The following COLEC12 variants were observed in gnomAD, a reference collection of about 807,000 sequenced individuals.
COLEC12 encodes the protein collectin-12.
Under a neutral mutation model 71.1 loss-of-function variants are expected in COLEC12, and 33 were observed. The observed-to-expected ratio is 0.46, with a 90% CI of 0.35 to 0.62. The LOEUF (loss-of-function observed/expected upper bound fraction) is 0.62. Ranked by LOEUF, COLEC12 falls within the 20% of genes least tolerant of loss-of-function variation. The pLI is 0.00. For missense variants in COLEC12, 765 were observed against 916.1 expected (o/e 0.84, Z 2.13); for synonymous variants, 350 against 353.0 (o/e 0.99, Z 0.10).
intron 2 of COLEC12, among the ~76,000 whole-genome samples, chr18:390,964 A>T (rs1915451172): frequency 6.6e-6 from 1 of 152,204 alleles, no homozygotes; most frequent in Non-Finnish European, 1.5e-5. Flanking sequence ...TCTGTCAGGA[A>T]GTAACCAGGC....
chr18:347,292 G>A lies in COLEC12; in HGVS notation c.330C>T (p.Thr110=). ...GGAGATCTAGAATGTCTGATCTGAA[G>A]GTGGAGAGTTCTGAGTTGGTGCTGA... ...KAISTNSELS[T]FRSDILDLRQ... The change falls in exon 5 of 10, where the codon ACC becomes ACT. Residue 110 remains threonine, a synonymous_variant. Coordinates refer to ENST00000400256, the MANE Select transcript of COLEC12 (RefSeq NM_130386.3). 1 of 1,614,140 alleles carries A rather than the reference G, an allele frequency of 6.2e-7. No individual in the cohort carries two copies. Among genetic ancestry groups the A allele is most frequent in the Non-Finnish European group, 8.5e-7 (1 of 1,180,018 alleles).
intron 3 of COLEC12, among the ~76,000 whole-genome samples, chr18:355,656 T>C (rs1026485571): frequency 1.3e-5 from 2 of 152,336 alleles, no homozygotes; most frequent in Admixed American, 6.5e-5. Context: ...GTAAATGTGA[T>C]TACACAGTAC....
chr18:445,963 G>A (rs12968300), intron 2 of COLEC12, among the ~76,000 whole-genome samples: 34,126 of 152,000 alleles, frequency 0.22, 4,060 homozygotes, highest in East Asian at 0.38. Flanking sequence ...AGATTTGCCT[G>A]TTCTGAACAC....
intron 2 of COLEC12, among the ~76,000 whole-genome samples, chr18:369,803 G>A (rs567698680): frequency 5.9e-5 from 9 of 152,176 alleles, no homozygotes; most frequent in East Asian, 3.9e-4. Context: ...CACCCTGAAC[G>A]TGCACTTCCT....
At chr18:461,792 C>CCA (rs1205024344) in intron 2 of COLEC12, among the ~76,000 whole-genome samples, 3 of 152,102 alleles carry the variant, frequency 2.0e-5, no homozygotes, top group Non-Finnish European at 4.4e-5. Context: ...TACTCAGTAG[C>CCA]CACATGCAGC....
At chr18:337,051 GT>G (rs1007789319) in intron 5 of COLEC12, among the ~76,000 whole-genome samples, 1 of 149,754 alleles carries the variant, frequency 6.7e-6, no homozygotes, top group African/African-American at 2.5e-5. Flanking sequence ...TAATGTTTTT[GT>G]AGAGATAGGG....
At position 362,523 on chromosome 18, in the gene COLEC12, T is replaced by C. The variant is rs117504199; in HGVS notation, c.59-5001A>G. ...AGAGATATCCCCCTGTTACCAGCCT[T>C]TGTAGTGTTTGTTTTCTTAGCATTA... is the stretch of plus-strand genomic sequence containing the variant. On this transcript the variant is annotated intron_variant, in intron 2 of 9. Coordinates refer to ENST00000400256, the MANE Select transcript of COLEC12 (RefSeq NM_130386.3). This position sits in a 1 kb window ranked among gnomAD's most constrained non-coding sequence, Gnocchi z 4.6. Among the ~76,000 whole-genome samples the C allele has an allele frequency of 5.6e-3, 855 of 152,010 alleles. 2 individuals are homozygous for C. Among genetic ancestry groups the C allele is most frequent in the Non-Finnish European group, 7.9e-3 (535 of 67,950 alleles).
rs531694780 is a variant in COLEC12, at chr18:374,395, A to G, written c.59-16873T>C. 1.5e-3 allele frequency among the ~76,000 whole-genome samples: 222 copies of G among 152,286 alleles called. 2 individuals are homozygous for G. The highest frequency in any genetic ancestry group is 9.3e-3 in the South Asian group (45 of 4,830). ...TACAGTAACACACCAGCCAGTGTTG[A>G]AAGTATGACCTGCAATTGCAATCAA... On this transcript the variant is annotated intron_variant, in intron 2 of 9. Coordinates refer to ENST00000400256, the MANE Select transcript of COLEC12 (RefSeq NM_130386.3).
intron 2 of COLEC12, among the ~76,000 whole-genome samples, chr18:474,290 G>A (rs1305023243): frequency 6.6e-6 from 1 of 152,148 alleles, no homozygotes; most frequent in Non-Finnish European, 1.5e-5. Context: ...AGGGTTTCTG[G>A]GGGAATTCAA....
At chr18:360,057 T>C (rs1341806850) in intron 2 of COLEC12, among the ~76,000 whole-genome samples, 1 of 152,216 alleles carries the variant, frequency 6.6e-6, no homozygotes, top group African/African-American at 2.4e-5. Flanking sequence ...CATCTGTCAA[T>C]TTCATGACTT....
intron 2 of COLEC12, among the ~76,000 whole-genome samples, chr18:367,513 C>T (rs2143524158): frequency 6.6e-6 from 1 of 152,286 alleles, no homozygotes; most frequent in African/African-American, 2.4e-5. Flanking sequence ...TAGTCGAAGA[C>T]ACTTAAAATT....
intron 2 of COLEC12, among the ~76,000 whole-genome samples, chr18:449,507 C>A (rs1916716878): frequency 6.6e-6 from 1 of 152,236 alleles, no homozygotes; most frequent in Non-Finnish European, 1.5e-5. Context: ...TGTAATGAAG[C>A]TTCTGCAGCA....
chr18:392,218 T>A (rs763132819), intron 2 of COLEC12, among the ~76,000 whole-genome samples: 7 of 152,244 alleles, frequency 4.6e-5, no homozygotes, highest in Non-Finnish European at 8.8e-5. Flanking sequence ...CAACTTGTGC[T>A]ACTGTAGCTT....
rs1197373013 is a variant in COLEC12, at chr18:408,102, G to A, written c.59-50580C>T. 6.6e-6 allele frequency among the ~76,000 whole-genome samples: 1 copy of A among 152,186 alleles called. No homozygotes were observed. Among genetic ancestry groups the A allele is most frequent in the Non-Finnish European group, 1.5e-5 (1 of 68,020 alleles). On this transcript the variant is annotated intron_variant, in intron 2 of 9. Coordinates refer to ENST00000400256, the MANE Select transcript of COLEC12 (RefSeq NM_130386.3). This position sits in a 1 kb window ranked among gnomAD's most constrained non-coding sequence, Gnocchi z 4.3. ...ATTTTTAATAACTCTAATTCAGAAT[G>A]CAAGAGGTTAAGTCAATTTCTTTGG...
At chr18:495,988 T>G (rs763712646) in intron 1 of COLEC12, among the ~76,000 whole-genome samples, 25 of 152,348 alleles carry the variant, frequency 1.6e-4, no homozygotes, top group Non-Finnish European at 1.3e-4. Context: ...AAGGGAAGTC[T>G]GTGTTAGGCT....
intron 2 of COLEC12, among the ~76,000 whole-genome samples, chr18:466,547 C>T (rs1298140740): frequency 6.6e-6 from 1 of 152,190 alleles, no homozygotes; most frequent in Admixed American, 6.5e-5. Context: ...AGCCCACACA[C>T]AGGCACTTTC....
intron 2 of COLEC12, among the ~76,000 whole-genome samples, chr18:439,498 CTT>C (rs58885696): frequency 3.4e-5 from 5 of 146,116 alleles, no homozygotes; most frequent in African/African-American, 1.0e-4. Context: ...AGCAGAGATT[CTT>C]TTTTTTTTTT....
chr18:323,786 T>A (rs73371827), intron 8 of COLEC12, among the ~76,000 whole-genome samples: 2,349 of 152,324 alleles, frequency 0.015, 76 homozygotes, highest in African/African-American at 0.054. Flanking sequence ...ACTTCTCAGT[T>A]AATTGGGAAA....
intron 2 of COLEC12, among the ~76,000 whole-genome samples, chr18:453,635 G>A (rs1916806608): frequency 6.6e-6 from 1 of 152,196 alleles, no homozygotes; most frequent in Non-Finnish European, 1.5e-5. Context: ...CTCTTCTTCT[G>A]TGGTCTCATC....
Sources: gnomAD v4.1 joint callset for allele counts (sites outside exome capture counted in the v4.1 genomes callset) on GRCh38, gnomAD v4.1.1 for gene constraint, Gnocchi (gnomAD v3.1) non-coding constraint, MANE v1.5 for transcripts, NCBI Gene and HGNC (gene_info 2026-07-23, HGNC 2026-07-21) for gene names.